Variants in MACROD2 observed in about 807,000 individuals in gnomAD.
MACROD2 encodes the protein mono-ADP ribosylhydrolase 2, also known as ADP-ribose glycohydrolase MACROD2.
In MACROD2, 36 loss-of-function variants were observed where a neutral mutation model predicts 70.4. The observed-to-expected ratio is 0.51, with a 90% CI of 0.39 to 0.68. The LOEUF is 0.68. MACROD2 is among the 30% of genes least tolerant of loss of function. The pLI, the probability that MACROD2 is intolerant of heterozygous loss-of-function variation, is 0.00. For synonymous variants in MACROD2, 172 were observed against 178.8 expected (o/e 0.96, Z 0.30); for missense variants, 496 against 538.4 (o/e 0.92, Z 0.78).
intron 8 of MACROD2, among the ~76,000 whole-genome samples, chr20:15,604,171 G>A (rs1183871405): frequency 2.0e-5 from 3 of 152,102 alleles, no homozygotes; most frequent in Non-Finnish European, 2.9e-5. Context: ...GTATAGAAAG[G>A]GGAAATGGCC....
At chr20:15,324,461 C>T (rs570756699) in intron 6 of MACROD2, among the ~76,000 whole-genome samples, 22 of 152,238 alleles carry the variant, frequency 1.4e-4, no homozygotes, top group African/African-American at 4.3e-4. Flanking sequence ...CAGCAGCTAA[C>T]GCCTGTTTTG....
At chr20:16,044,722 G>A in intron 17 of MACROD2, 83 bp downstream of exon 17, 1 of 1,265,880 alleles carries the variant, frequency 7.9e-7, no homozygotes. Context: ...ATTTCCCTTG[G>A]TTTTGCCAAG....
chr20:14,931,262 G>C (rs2074293407), intron 5 of MACROD2, among the ~76,000 whole-genome samples: 1 of 152,108 alleles, frequency 6.6e-6, no homozygotes, highest in African/African-American at 2.4e-5. Flanking sequence ...CTTATATACA[G>C]AGCATTCTCG....
intron 5 of MACROD2, among the ~76,000 whole-genome samples, chr20:15,203,247 GGACAA>G (rs2076672752): frequency 1.3e-5 from 2 of 151,930 alleles, no homozygotes; most frequent in Admixed American, 6.6e-5. Flanking sequence ...TAAATGAGAC[GGACAA>G]GACAAGAGAC....
At chr20:15,088,437 ATATATATATAT>A (rs2075768258) in intron 5 of MACROD2, among the ~76,000 whole-genome samples, 1 of 31,074 alleles carries the variant, frequency 3.2e-5, no homozygotes, top group African/African-American at 9.0e-5. Flanking sequence ...ATATATATAT[ATATATATATAT>A]ATAATATTTT....
intron 3 of MACROD2, among the ~76,000 whole-genome samples, chr20:14,491,351 G>T (rs555515551): frequency 3.3e-5 from 5 of 152,172 alleles, no homozygotes; most frequent in Middle Eastern, 3.4e-3. Flanking sequence ...ATCATTATTG[G>T]ATTTATAGTT....
At chr20:14,519,197 C>A (rs2085137353) in intron 4 of MACROD2, among the ~76,000 whole-genome samples, 1 of 152,110 alleles carries the variant, frequency 6.6e-6, no homozygotes, top group African/African-American at 2.4e-5. Context: ...TAAAAACTTT[C>A]TCTTCTGCTT....
intron 6 of MACROD2, among the ~76,000 whole-genome samples, chr20:15,280,517 A>G (rs1321881366): frequency 6.6e-6 from 1 of 152,170 alleles, no homozygotes; most frequent in Non-Finnish European, 1.5e-5. Context: ...AGAAACCAGG[A>G]GATCAGAGTT....
intron 5 of MACROD2, among the ~76,000 whole-genome samples, chr20:15,102,821 A>C (rs1459353539): frequency 6.6e-6 from 1 of 152,062 alleles, no homozygotes; most frequent in Admixed American, 6.6e-5. Flanking sequence ...GAAAGGCATG[A>C]TATCCCCATA....
chr20:14,452,069 G>T (rs1162408892), intron 3 of MACROD2, among the ~76,000 whole-genome samples: 1 of 152,050 alleles, frequency 6.6e-6, no homozygotes, highest in Non-Finnish European at 1.5e-5. Context: ...TTGAACCCAG[G>T]TATTTCTGAC....
chr20:14,378,779 G>T (rs2083396251), intron 3 of MACROD2, among the ~76,000 whole-genome samples: 1 of 152,188 alleles, frequency 6.6e-6, no homozygotes, highest in African/African-American at 2.4e-5. Flanking sequence ...CAGCATGTCA[G>T]TCCTCCTCTT....
intron 4 of MACROD2, among the ~76,000 whole-genome samples, chr20:14,678,753 A>G (rs2070893179): frequency 6.6e-6 from 1 of 152,120 alleles, no homozygotes; most frequent in Admixed American, 6.6e-5. Context: ...TGTGAAGTCA[A>G]AAGGCAAGGT....
Position 15,334,296 on chromosome 20 carries a change from A to G in MACROD2, c.541-97109A>G, listed in dbSNP as rs997793668. 1.8e-4 allele frequency among the ~76,000 whole-genome samples: 26 copies of G among 142,986 alleles called. 2 individuals are homozygous for G. The highest frequency in any genetic ancestry group is 6.7e-4 in the African/African-American group (25 of 37,502). 93.8% of individuals were successfully genotyped at this position (142,986 alleles called of 152,430 possible). On this transcript the variant is annotated intron_variant, in intron 6 of 17. Coordinates refer to ENST00000684519, the MANE Select transcript of MACROD2 (RefSeq NM_001351661.2). ...TTCTAAGTTCTTTTTTTCCTCTATC[A>G]TAGAGTTCCATTGGCCAATAAGAAG... is the stretch of plus-strand genomic sequence containing the variant.
In MACROD2 at chr20:15,146,281, G is replaced by T. The variant is rs75563643; in HGVS notation, c.419-83659G>T. 1.4e-3 allele frequency among the ~76,000 whole-genome samples: 210 copies of T among 152,132 alleles called. 4 individuals carry two copies. In the East Asian group the frequency reaches 0.035, roughly 25 times the overall value. ...GGAATATAGGATTTCTAGAAATCTT[G>T]GTAATTACTGAAATCTTTGCATCAT... is the stretch of plus-strand genomic sequence containing the variant. On this transcript the variant is annotated intron_variant, in intron 5 of 17. Transcript: ENST00000684519.
At chr20:14,319,199 CA>C (rs2082638090) in intron 3 of MACROD2, among the ~76,000 whole-genome samples, 1 of 152,202 alleles carries the variant, frequency 6.6e-6, no homozygotes. Flanking sequence ...GCCTGAACTA[CA>C]AACCTTACCT....
intron 8 of MACROD2, among the ~76,000 whole-genome samples, chr20:15,843,744 T>G (rs550975832): frequency 3.3e-5 from 5 of 152,190 alleles, no homozygotes; most frequent in Non-Finnish European, 7.3e-5. Flanking sequence ...CAGAGCATTA[T>G]GTGCATGATC....
At chr20:14,792,421 T>C (rs2072461514) in intron 5 of MACROD2, among the ~76,000 whole-genome samples, 1 of 152,100 alleles carries the variant, frequency 6.6e-6, no homozygotes, top group African/African-American at 2.4e-5. Context: ...AGATTTTAAT[T>C]GCATTCATTA....
chr20:14,479,060 A>G (rs1440238512), intron 3 of MACROD2, among the ~76,000 whole-genome samples: 1 of 151,886 alleles, frequency 6.6e-6, no homozygotes, highest in Admixed American at 6.6e-5. Flanking sequence ...AGCATCTCCC[A>G]CCCACAAGTA....
chr20:15,488,823 C>T (rs886931570), intron 7 of MACROD2, among the ~76,000 whole-genome samples: 6 of 152,146 alleles, frequency 3.9e-5, no homozygotes, highest in African/African-American at 1.2e-4. Flanking sequence ...AACCCTATTC[C>T]AGGTGATTCT....
Sources: gnomAD v4.1 joint callset for allele counts (sites outside exome capture counted in the v4.1 genomes callset) on GRCh38, gnomAD v4.1.1 for gene constraint, MANE v1.5 for transcripts, NCBI Gene and HGNC (gene_info 2026-07-23, HGNC 2026-07-21) for gene names.